The following MPPED1 variants were observed in gnomAD, a reference collection of about 807,000 sequenced individuals.
MPPED1 encodes the protein metallophosphoesterase domain-containing protein 1.
MPPED1 carries 16 observed loss-of-function variants against 36.2 expected under a neutral mutation model. That is an observed-to-expected ratio of 0.44 (90% CI 0.30 to 0.67). The LOEUF (loss-of-function observed/expected upper bound fraction) is 0.67, where lower values mean the gene tolerates loss of function less well. MPPED1 is among the 30% of genes least tolerant of loss of function. The probability of loss-of-function intolerance (pLI) is 0.10; values close to 1 mark genes in which losing one functional copy is unlikely to be tolerated. For synonymous variants in MPPED1, 199 were observed against 191.3 expected (o/e 1.04, Z -0.33); for missense variants, 307 against 453.4 (o/e 0.68, Z 2.93).
At chr22:43,429,365 C>A (rs1174099181) in intron 2 of MPPED1, among the ~76,000 whole-genome samples, 1 of 152,336 alleles carries the variant, frequency 6.6e-6, no homozygotes, top group Admixed American at 6.5e-5. Flanking sequence ...AGGACTCACA[C>A]CCCGGCACTG....
chr22:43,472,357 T>G (rs1481150430), intron 3 of MPPED1, among the ~76,000 whole-genome samples: 1 of 152,206 alleles, frequency 6.6e-6, no homozygotes, highest in Non-Finnish European at 1.5e-5. Context: ...ATCAAAATTT[T>G]GTACATTTCC....
intron 3 of MPPED1, among the ~76,000 whole-genome samples, chr22:43,448,685 C>A (rs1930451312): frequency 1.3e-5 from 2 of 152,112 alleles, no homozygotes; most frequent in African/African-American, 4.8e-5. Flanking sequence ...TCACTGCAAC[C>A]TCTGCCTCCA....
intron 4 of MPPED1, among the ~76,000 whole-genome samples, chr22:43,489,543 G>A (rs1309319991): frequency 2.0e-5 from 3 of 151,348 alleles, no homozygotes; most frequent in Non-Finnish European, 4.4e-5. Context: ...TTTTGAGATG[G>A]AGTCTCGCTC....
At chr22:43,487,263 C>T (rs560318810) in intron 4 of MPPED1, among the ~76,000 whole-genome samples, 4 of 152,210 alleles carry the variant, frequency 2.6e-5, no homozygotes, top group East Asian at 1.9e-4. Context: ...TAATAAAATA[C>T]GGGTCGTGGA....
At chr22:43,492,358 C>T (rs1485937005) in intron 4 of MPPED1, among the ~76,000 whole-genome samples, 1 of 152,044 alleles carries the variant, frequency 6.6e-6, no homozygotes, top group Non-Finnish European at 1.5e-5. Context: ...AGGGGTGATA[C>T]GTATTTCTGC....
At chr22:43,436,211 G>A (rs1436360897) in intron 3 of MPPED1, among the ~76,000 whole-genome samples, 1 of 152,236 alleles carries the variant, frequency 6.6e-6, no homozygotes, top group African/African-American at 2.4e-5. Flanking sequence ...GTCCCCACCC[G>A]GGGAAGACAG....
intron 3 of MPPED1, among the ~76,000 whole-genome samples, chr22:43,442,104 C>G (rs555192239): frequency 2.4e-4 from 36 of 151,986 alleles, no homozygotes; most frequent in African/African-American, 8.7e-4. Flanking sequence ...TGACCCCCCT[C>G]CACGCCCCTC....
intron 3 of MPPED1, among the ~76,000 whole-genome samples, chr22:43,470,197 C>G (rs1284473746): frequency 6.6e-6 from 1 of 151,152 alleles, no homozygotes; most frequent in Non-Finnish European, 1.5e-5. Flanking sequence ...ATAAACCATC[C>G]ATCTATCCAT....
intron 3 of MPPED1, among the ~76,000 whole-genome samples, chr22:43,463,261 T>C (rs1931016310): frequency 6.6e-6 from 1 of 152,110 alleles, no homozygotes; most frequent in African/African-American, 2.4e-5. Context: ...TCCAGTTTTT[T>C]CTTCCATCTC....
At position 43,443,390 on chromosome 22, in the gene MPPED1, C is replaced by T. The variant is rs1462811596; in HGVS notation, c.406+8175C>T. On this transcript the variant is annotated intron_variant, in intron 3 of 6. Transcript: ENST00000443721. ...TGACTGTAGCAGGCAGGAGAGGACG[C>T]CAGGGTACCAGGAGAGGCTGGTGCA... Among the ~76,000 whole-genome samples, 3 of 152,264 alleles carry T rather than the reference C, an allele frequency of 2.0e-5. No homozygotes were observed. The South Asian group carries it at 6.2e-4, about 32-fold the overall frequency.
intron 1 of MPPED1, 124 bp downstream of exon 1, chr22:43,412,282 A>C: frequency 1.7e-6 from 1 of 579,644 alleles, no homozygotes; most frequent in Non-Finnish European, 2.2e-6. Flanking sequence ...CCGCAAAGTT[A>C]CTTTGGCCGC....
intron 2 of MPPED1, among the ~76,000 whole-genome samples, chr22:43,432,876 AGGGAAAG>A (rs1929801834): frequency 5.7e-5 from 1 of 17,518 alleles, no homozygotes; most frequent in Non-Finnish European, 1.8e-4. Flanking sequence ...GGAGAGAGAG[AGGGAAAG>A]AGAAAGGGAG....
In MPPED1 at chr22:43,452,175, G is replaced by A. The variant is rs576634431; in HGVS notation, c.406+16960G>A. On this transcript the variant is annotated intron_variant, in intron 3 of 6. Transcript: ENST00000443721. Reference sequence around the variant, plus strand: ...TGGGATTACAGGCGTGAGCCATCATGCTTGGCTAATTTTTGTATTTTTAGT... The same window carrying A: ...TGGGATTACAGGCGTGAGCCATCATACTTGGCTAATTTTTGTATTTTTAGT... 2.0e-5 allele frequency among the ~76,000 whole-genome samples: 3 copies of A among 152,086 alleles called. No homozygotes were observed. In the South Asian group the frequency reaches 6.2e-4, roughly 32 times the overall value.
At chr22:43,416,222 G>A (rs1164970176) in intron 1 of MPPED1, among the ~76,000 whole-genome samples, 1 of 152,208 alleles carries the variant, frequency 6.6e-6, no homozygotes, top group Non-Finnish European at 1.5e-5. Context: ...TTTTGCATTT[G>A]TAAGTTTGTC....
At chr22:43,444,279 G>GATGTGTGT (rs1555899567) in intron 3 of MPPED1, among the ~76,000 whole-genome samples, 5 of 141,934 alleles carry the variant, frequency 3.5e-5, no homozygotes, top group African/African-American at 1.3e-4. Context: ...GACCCACTGG[G>GATGTGTGT]GTGTGTGTGT....
rs749049493 is a variant in MPPED1 at position 43,435,242 on chromosome 22, G to A, written c.406+27G>A. 100 of 1,586,474 alleles carry A rather than the reference G, an allele frequency of 6.3e-5. 1 individual carries two copies. Among genetic ancestry groups the A allele is most frequent in the Non-Finnish European group, 8.1e-5 (95 of 1,172,464 alleles). On this transcript the variant is annotated intron_variant, in intron 3 of 6. Transcript: ENST00000443721. The stretch of plus-strand genomic sequence containing the variant: ...TAGGTCCCTCCTGCCCCGGGCGGGC[G>A]GCTGTGCTGAGCAGGAAGGGGGCTC...
intron 1 of MPPED1, among the ~76,000 whole-genome samples, chr22:43,414,564 AC>A (rs1929012660): frequency 6.6e-6 from 1 of 152,214 alleles, no homozygotes; most frequent in East Asian, 1.9e-4. Flanking sequence ...CCAGGCAAAG[AC>A]TTTTAACAAG....
In MPPED1 at chr22:43,418,637, C is replaced by G. The variant is rs112295202; in HGVS notation, c.-78-6271C>G. On this transcript the variant is annotated intron_variant, in intron 1 of 6. Coordinates refer to ENST00000443721, the MANE Select transcript of MPPED1 (RefSeq NM_001044370.2). ...GTCTGTTTTCTGCCTGGCTGGTTCG[C>G]CGGGTCTGAGCCCTTGGAGGGCTAG... The G allele has an allele frequency of 3.5e-3, 580 of 164,418 alleles. 8 individuals carry two copies. Among genetic ancestry groups the G allele is most frequent in the African/African-American group, 0.013 (545 of 41,676 alleles). The allele number at this position is 164,418 out of a possible 1,614,324, so 10.2% of individuals were successfully genotyped here.
At chr22:43,459,442 G>T (rs6003209) in intron 3 of MPPED1, among the ~76,000 whole-genome samples, 6,359 of 152,086 alleles carry the variant, frequency 0.042, 445 homozygotes, top group African/African-American at 0.15. Flanking sequence ...TTCCTTTATG[G>T]CTCCTCTTAC....
Sources: allele counts gnomAD v4.1 joint callset (sites outside exome capture counted in the v4.1 genomes callset), GRCh38; gene constraint gnomAD v4.1.1; transcripts MANE v1.5; gene names NCBI Gene and HGNC (gene_info 2026-07-23, HGNC 2026-07-21).